HTRA3: variants seen among roughly 807,000 people sequenced by gnomAD.
HTRA3 encodes the protein serine protease HTRA3.
Under a neutral mutation model 43.2 loss-of-function variants are expected in HTRA3, and 41 were observed. The observed-to-expected ratio is 0.95, with a 90% CI of 0.74 to 1.23. HTRA3 has a LOEUF of 1.23. Ranked by LOEUF, HTRA3 falls within the 50% of genes most tolerant of loss-of-function variation. The pLI, the probability that HTRA3 is intolerant of heterozygous loss-of-function variation, is 0.00. For missense variants in HTRA3, 628 were observed against 647.1 expected (o/e 0.97, Z 0.32); for synonymous variants, 295 against 287.9 (o/e 1.02, Z -0.25).
chr4:8,272,518 G>A (rs985279432), intron 1 of HTRA3, among the ~76,000 whole-genome samples: 4 of 152,218 alleles, frequency 2.6e-5, no homozygotes, highest in Non-Finnish European at 5.9e-5. Context: ...AATGAGAAGC[G>A]GGGACCTGCA....
chr4:8,289,387 G>A (rs1713135524), intron 3 of HTRA3, among the ~76,000 whole-genome samples: 1 of 152,368 alleles, frequency 6.6e-6, no homozygotes, highest in South Asian at 2.1e-4. Context: ...TTCCAGTGAA[G>A]CTTGATTCAC....
At position 8,295,194 on chromosome 4, in the gene HTRA3, C is replaced by T. The variant is rs113933498; in HGVS notation, c.1051+993C>T. Among the ~76,000 whole-genome samples the T allele has an allele frequency of 4.0e-3, 607 of 152,242 alleles. 8 individuals carry two copies. The highest frequency in any genetic ancestry group is 0.014 in the African/African-American group (589 of 41,548). ...ACCCACCTGTCCCTCTATCCCTGTC[C>T]GTCTATTCTTCCATCCATCTACCCA... On this transcript the variant is annotated intron_variant, in intron 6 of 8. Transcript: ENST00000307358. The surrounding 1 kb of genome is among the most constrained non-coding windows in gnomAD (Gnocchi z 6.9).
Position 8,296,782 on chromosome 4 carries a change from G to A in HTRA3, c.1051+2581G>A, listed in dbSNP as rs1713472782. ...TGCAGTTCATAGGTGGGAGACCTCT[G>A]GCCTGGGGGGTAAACCCCTCGTTTA... On this transcript the variant is annotated intron_variant, in intron 6 of 8. Transcript: ENST00000307358. This position sits in a 1 kb window ranked among gnomAD's most constrained non-coding sequence, Gnocchi z 5.3. Among the ~76,000 whole-genome samples, 1 of 152,176 alleles carries A rather than the reference G, an allele frequency of 6.6e-6. No homozygotes were observed. The highest frequency in any genetic ancestry group is 2.1e-4 in the South Asian group (1 of 4,832).
rs148416931 is a variant in HTRA3, at chr4:8,284,170, C to T, written c.485+1634C>T. Among the ~76,000 whole-genome samples, 495 of 152,342 alleles carry T rather than the reference C, an allele frequency of 3.2e-3. 5 individuals carry two copies. The highest frequency in any genetic ancestry group is 8.8e-3 in the African/African-American group (367 of 41,572). ...CCACAGCCCTGGTTGCCACCCTGTCCGGTGCCCCGTGCTGATGGACCTCTC... is the reference window on the plus strand; with the variant it reads ...CCACAGCCCTGGTTGCCACCCTGTCTGGTGCCCCGTGCTGATGGACCTCTC... On this transcript the variant is annotated intron_variant, in intron 2 of 8. Coordinates refer to ENST00000307358, the MANE Select transcript of HTRA3 (RefSeq NM_053044.5).
chr4:8,273,598 T>G (rs1712391058), intron 1 of HTRA3, among the ~76,000 whole-genome samples: 1 of 145,532 alleles, frequency 6.9e-6, no homozygotes, highest in Non-Finnish European at 1.5e-5. Context: ...GGGCCCTATC[T>G]CCAGCCCCCG....
rs1421297617 is a variant in HTRA3, at chr4:8,296,833, AGCTGTAGGGAGG to A, written c.1051+2634_1051+2645del. Among the ~76,000 whole-genome samples the A allele has an allele frequency of 4.6e-5, 7 of 152,004 alleles. No homozygotes were observed. The highest frequency in any genetic ancestry group is 1.0e-4 in the Non-Finnish European group (7 of 67,994). Reference sequence around the variant, plus strand: ...TCCTGTGGCCCACAAGCCAAGGGAGAGCTGTAGGGAGGGGAGGGGACAGGGACAAAGACATGT... The same window carrying A: ...TCCTGTGGCCCACAAGCCAAGGGAGAGGAGGGGACAGGGACAAAGACATGT... On this transcript the variant is annotated intron_variant, in intron 6 of 8. Transcript: ENST00000307358. The surrounding 1 kb of genome is among the most constrained non-coding windows in gnomAD (Gnocchi z 5.3).
chr4:8,272,426 C>A (rs565406820), intron 1 of HTRA3, among the ~76,000 whole-genome samples: 1 of 152,240 alleles, frequency 6.6e-6, no homozygotes, highest in African/African-American at 2.4e-5. Flanking sequence ...GCTGAGGCCT[C>A]AGTGCTCCGG....
At position 8,296,464 on chromosome 4, in the gene HTRA3, A is replaced by T. The variant is rs1713460946; in HGVS notation, c.1051+2263A>T. 1 of 985,014 alleles carries T rather than the reference A, an allele frequency of 1.0e-6. No homozygotes were observed. Among genetic ancestry groups the T allele is most frequent in the Non-Finnish European group, 1.2e-6 (1 of 829,634 alleles). The allele number at this position is 985,014 out of a possible 1,614,324, so 61.0% of individuals were successfully genotyped here. ...TTCTCTTTTTTATTTAATAAAATCCAATGATCCAAACCCAGTTAATCTAAA... is the reference window on the plus strand; with the variant it reads ...TTCTCTTTTTTATTTAATAAAATCCTATGATCCAAACCCAGTTAATCTAAA... On this transcript the variant is annotated intron_variant, in intron 6 of 8. Coordinates refer to ENST00000307358, the MANE Select transcript of HTRA3 (RefSeq NM_053044.5). The surrounding 1 kb of genome is among the most constrained non-coding windows in gnomAD (Gnocchi z 5.3).
intron 1 of HTRA3, among the ~76,000 whole-genome samples, chr4:8,272,592 T>C (rs1270936530): frequency 1.3e-5 from 2 of 152,010 alleles, no homozygotes; most frequent in African/African-American, 4.8e-5. Context: ...CCAGACCACG[T>C]TGTTTCATAT....
rs147721044 is a variant in HTRA3 at position 8,275,905 on chromosome 4, T to C, written c.385+5552T>C. On this transcript the variant is annotated intron_variant, in intron 1 of 8. Coordinates refer to ENST00000307358, the MANE Select transcript of HTRA3 (RefSeq NM_053044.5). The stretch of plus-strand genomic sequence containing the variant: ...CTGGTTCCCCAGCCAGTGCTCTGAA[T>C]ACCAGGCAGGCCCCTAGCAGCTCGA... Among the ~76,000 whole-genome samples, 76 of 152,376 alleles carry C rather than the reference T, an allele frequency of 5.0e-4. No individual in the cohort carries two copies. The East Asian group carries it at 0.014, about 28-fold the overall frequency.
intron 1 of HTRA3, among the ~76,000 whole-genome samples, chr4:8,277,308 G>C (rs546978623): frequency 6.6e-6 from 1 of 152,312 alleles, no homozygotes; most frequent in Non-Finnish European, 1.5e-5. Context: ...TTAGTGGTGG[G>C]CGGGGCTGGG....
chr4:8,282,540 G>A lies in HTRA3; in HGVS notation c.485+4G>A. 6.2e-7 allele frequency: 1 copy of A among 1,605,172 alleles called. No individual in the cohort carries two copies. Among genetic ancestry groups the A allele is most frequent in the Non-Finnish European group, 8.5e-7 (1 of 1,172,078 alleles). ...TCCACATAGAGCTCTTCCTGAGGTG[G>A]GTGAATACCCCTCGCCCCTCTCTGC... On this transcript the variant is annotated splice_donor_region_variant and intron_variant, in intron 2 of 8. Coordinates refer to ENST00000307358, the MANE Select transcript of HTRA3 (RefSeq NM_053044.5).
At chr4:8,270,659 C>G (rs1712232666) in intron 1 of HTRA3, among the ~76,000 whole-genome samples, 1 of 152,208 alleles carries the variant, frequency 6.6e-6, no homozygotes, top group Non-Finnish European at 1.5e-5. Context: ...CGTGCCCATT[C>G]CCTTGATCCT....
intron 1 of HTRA3, 41 bp downstream of exon 1, chr4:8,270,394 T>A: frequency 7.3e-7 from 1 of 1,368,000 alleles, no homozygotes; most frequent in South Asian, 1.6e-5. Context: ...AGCTTCTTTC[T>A]CTTGGGGAAA....
At chr4:8,301,410 C>T (rs1713652734) in intron 6 of HTRA3, among the ~76,000 whole-genome samples, 1 of 151,518 alleles carries the variant, frequency 6.6e-6, no homozygotes. Flanking sequence ...TTGATTCACA[C>T]TATCAGCTTT....
chr4:8,294,953 G>A (rs888795432), intron 6 of HTRA3, among the ~76,000 whole-genome samples: 3 of 140,460 alleles, frequency 2.1e-5, no homozygotes, highest in Admixed American at 7.0e-5. Context: ...CCATCCATCC[G>A]TCCATCCATC....
At chr4:8,287,165 C>T (rs555868215) in intron 3 of HTRA3, among the ~76,000 whole-genome samples, 55 of 152,294 alleles carry the variant, frequency 3.6e-4, no homozygotes, top group Non-Finnish European at 7.2e-4. Flanking sequence ...AGGGGGCTGC[C>T]GTGGGGAACA....
At chr4:8,294,716 T>G (rs562627680) in intron 6 of HTRA3, among the ~76,000 whole-genome samples, 45 of 26,178 alleles carry the variant, frequency 1.7e-3, no homozygotes, top group African/African-American at 5.5e-3. Flanking sequence ...ATCCACACCT[T>G]TCTACCCATC....
chr4:8,290,162 G>C (rs1237533127), intron 3 of HTRA3, among the ~76,000 whole-genome samples: 1 of 152,260 alleles, frequency 6.6e-6, no homozygotes, highest in African/African-American at 2.4e-5. Flanking sequence ...GAAGCTTCTT[G>C]AGCACAGAGA....
Sources: gnomAD v4.1 joint callset for allele counts (sites outside exome capture counted in the v4.1 genomes callset) on GRCh38, gnomAD v4.1.1 for gene constraint, Gnocchi (gnomAD v3.1) non-coding constraint, MANE v1.5 for transcripts, NCBI Gene and HGNC (gene_info 2026-07-23, HGNC 2026-07-21) for gene names.